LYN: variants seen among roughly 807,000 people sequenced by gnomAD.
LYN encodes tyrosine-protein kinase Lyn.
Under a neutral mutation model 65.0 loss-of-function variants are expected in LYN, and 12 were observed. The ratio of observed to expected loss-of-function variants is 0.18; its 90% CI spans 0.12 to 0.30. LYN has a LOEUF of 0.30. LYN is among the 10% of genes least tolerant of loss of function. The pLI is 1.00. For synonymous variants in LYN, 222 were observed against 221.2 expected, an observed-to-expected ratio of 1.00 and a Z score of -0.03; for missense variants, 380 against 623.2, an observed-to-expected ratio of 0.61 and a Z score of 4.16.
intron 9 of LYN, among the ~76,000 whole-genome samples, chr8:55,967,670 C>T (rs1334926648): frequency 1.3e-5 from 2 of 152,086 alleles, no homozygotes; most frequent in Non-Finnish European, 2.9e-5. Flanking sequence ...TCTAAGTGTT[C>T]AGGGTGTCAC....
intron 10 of LYN, among the ~76,000 whole-genome samples, chr8:55,990,482 A>T (rs1808217974): frequency 6.6e-6 from 1 of 152,178 alleles, no homozygotes; most frequent in Admixed American, 6.5e-5. Context: ...AAGACTTGGA[A>T]AGGGAATGGG....
chr8:55,989,909 G>A (rs1292954212), intron 10 of LYN, among the ~76,000 whole-genome samples: 1 of 152,130 alleles, frequency 6.6e-6, no homozygotes, highest in African/African-American at 2.4e-5. Flanking sequence ...TCTTGAAGCT[G>A]GGAGGGGAGG....
chr8:55,907,530 T>C (rs754910196), intron 1 of LYN, among the ~76,000 whole-genome samples: 4 of 152,130 alleles, frequency 2.6e-5, no homozygotes, highest in Non-Finnish European at 4.4e-5. Flanking sequence ...GTCAGCACAG[T>C]TAGGATCTTT....
intron 1 of LYN, among the ~76,000 whole-genome samples, chr8:55,932,215 A>C (rs1806290713): frequency 6.6e-6 from 1 of 152,200 alleles, no homozygotes; most frequent in Non-Finnish European, 1.5e-5. Flanking sequence ...TTTTTTAAAA[A>C]TTAAAATTCT....
At chr8:55,979,321 C>T (rs931969501) in intron 10 of LYN, among the ~76,000 whole-genome samples, 1 of 152,136 alleles carries the variant, frequency 6.6e-6, no homozygotes, top group Non-Finnish European at 1.5e-5. Flanking sequence ...GGATTACAGG[C>T]GTCAGCCACC....
At chr8:55,916,393 C>T (rs1029154347) in intron 1 of LYN, among the ~76,000 whole-genome samples, 1 of 152,176 alleles carries the variant, frequency 6.6e-6, no homozygotes, top group Non-Finnish European at 1.5e-5. Context: ...TAAGGCTAAA[C>T]CTTCAATTTC....
At chr8:55,988,884 A>G (rs1324717924) in intron 10 of LYN, among the ~76,000 whole-genome samples, 1 of 152,086 alleles carries the variant, frequency 6.6e-6, no homozygotes, top group Non-Finnish European at 1.5e-5. Flanking sequence ...TAAAGTGAAA[A>G]AAAAAAACCC....
intron 10 of LYN, among the ~76,000 whole-genome samples, chr8:55,974,804 C>T (rs746642959): frequency 6.6e-6 from 1 of 152,140 alleles, no homozygotes; most frequent in African/African-American, 2.4e-5. Context: ...TAGTAACAAC[C>T]TTTGATTGAT....
At chr8:55,972,022 G>A (rs973856248) in intron 10 of LYN, among the ~76,000 whole-genome samples, 2 of 152,144 alleles carry the variant, frequency 1.3e-5, no homozygotes, top group Admixed American at 1.3e-4. Flanking sequence ...GGGCAATCAA[G>A]GTCGGCACCA....
In LYN at chr8:56,011,443, G is replaced by A. The variant is rs983722235; in HGVS notation, c.*1333G>A. On this transcript the variant is annotated 3_prime_UTR_variant, in exon 13 of 13. Coordinates refer to ENST00000519728, the MANE Select transcript of LYN (RefSeq NM_002350.4). Reference sequence around the variant, plus strand: ...TGGTCAGTGTAAAAATTGGTCATCAGCTGGGGGCGGGGTGGTTAGAAGTGA... The same window carrying A: ...TGGTCAGTGTAAAAATTGGTCATCAACTGGGGGCGGGGTGGTTAGAAGTGA... The A allele has an allele frequency of 2.9e-5, 6 of 206,680 alleles. No individual in the cohort carries two copies. The highest frequency in any genetic ancestry group is 5.9e-5 in the Non-Finnish European group (6 of 101,338). The allele number at this position is 206,680 out of a possible 1,614,324, so 12.8% of individuals were successfully genotyped here.
rs560398543 is a variant in LYN, at chr8:56,006,738, G to A, written c.1337-3170G>A. Among the ~76,000 whole-genome samples, 21 of 152,334 alleles carry A rather than the reference G, an allele frequency of 1.4e-4. No individual in the cohort carries two copies. In the South Asian group the frequency reaches 1.4e-3, roughly 11 times the overall value. On this transcript the variant is annotated intron_variant, in intron 12 of 12. Coordinates refer to ENST00000519728, the MANE Select transcript of LYN (RefSeq NM_002350.4). ...GTGTTTGTTGAAAGGAGGAAGGATG[G>A]AAAGTGAAACTGTGTGCCTTCTAAG...
intron 6 of LYN, among the ~76,000 whole-genome samples, chr8:55,951,013 C>T (rs1212938185): frequency 1.1e-4 from 17 of 151,900 alleles, no homozygotes; most frequent in Admixed American, 2.0e-4. Context: ...GAGGCTGAGG[C>T]GAGAGGATCA....
intron 1 of LYN, among the ~76,000 whole-genome samples, chr8:55,881,384 C>A (rs1473530004): frequency 6.6e-6 from 1 of 152,192 alleles, no homozygotes; most frequent in Non-Finnish European, 1.5e-5. Flanking sequence ...CTCTGTACAG[C>A]CAACACCTAA....
At chr8:55,900,626 C>G (rs1447186869) in intron 1 of LYN, among the ~76,000 whole-genome samples, 5 of 151,752 alleles carry the variant, frequency 3.3e-5, no homozygotes, top group Admixed American at 2.0e-4. Context: ...AATGGTCCTC[C>G]AGTCTTGGCC....
chr8:55,997,818 C>T (rs1455962871), intron 10 of LYN, among the ~76,000 whole-genome samples: 2 of 152,232 alleles, frequency 1.3e-5, no homozygotes, highest in African/African-American at 2.4e-5. Flanking sequence ...GGCGCGGTGG[C>T]TCACGCCTGT....
chr8:56,008,308 G>C (rs964507199), intron 12 of LYN, among the ~76,000 whole-genome samples: 1 of 152,138 alleles, frequency 6.6e-6, no homozygotes, highest in African/African-American at 2.4e-5. Context: ...CCCTGAAGCT[G>C]CCACTTATTT....
chr8:55,883,035 A>G (rs1189285911), intron 1 of LYN, among the ~76,000 whole-genome samples: 1 of 152,218 alleles, frequency 6.6e-6, no homozygotes, highest in Non-Finnish European at 1.5e-5. Context: ...AGCCTAACCT[A>G]CCTTAAACAT....
intron 1 of LYN, among the ~76,000 whole-genome samples, chr8:55,932,544 C>A (rs925383476): frequency 6.6e-6 from 1 of 152,104 alleles, no homozygotes; most frequent in Non-Finnish European, 1.5e-5. Flanking sequence ...GCCTCAGCTC[C>A]TGAGTAGCTG....
At chr8:55,883,910 GT>G (rs2130346005) in intron 1 of LYN, among the ~76,000 whole-genome samples, 1 of 152,182 alleles carries the variant, frequency 6.6e-6, no homozygotes, top group South Asian at 2.1e-4. Flanking sequence ...CAGCTGTCTG[GT>G]TTCCTGATAC....
Sources: gnomAD v4.1 joint callset for allele counts (sites outside exome capture counted in the v4.1 genomes callset) on GRCh38, gnomAD v4.1.1 for gene constraint, MANE v1.5 for transcripts, NCBI Gene and HGNC (gene_info 2026-07-23, HGNC 2026-07-21) for gene names.